GPX2: variants seen among roughly 807,000 people sequenced by gnomAD.
GPX2 encodes glutathione peroxidase 2.
Under a neutral mutation model 14.1 loss-of-function variants are expected in GPX2, and 21 were observed. The ratio of observed to expected loss-of-function variants is 1.48; its 90% confidence interval spans 1.05 to 2.14. The LOEUF (loss-of-function observed/expected upper bound fraction) is 2.14. Ranked by LOEUF, GPX2 falls within the 30% of genes most tolerant of loss-of-function variation. The pLI, the probability that GPX2 is intolerant of heterozygous loss-of-function variation, is 0.00. For missense variants in GPX2, 241 were observed against 249.8 expected (o/e 0.96, Z 0.24); for synonymous variants, 94 against 95.2 (o/e 0.99, Z 0.07).
rs1439088024 is a variant in GPX2, at chr14:64,940,358, A to G, written c.223-520T>C. 2.6e-5 allele frequency among the ~76,000 whole-genome samples: 4 copies of G among 152,038 alleles called. No homozygotes were observed. The highest frequency in any genetic ancestry group is 9.7e-5 in the African/African-American group (4 of 41,382). ...CCTGGTTTTGCCTCGCCTGCTTTCA[A>G]TTGCACGTGTGTTGAGTATAGCCTT... On this transcript the variant is annotated intron_variant, in intron 1 of 1. Transcript: ENST00000389614. This position sits in a 1 kb window ranked among gnomAD's most constrained non-coding sequence, Gnocchi z 4.5.
At position 64,939,779 on chromosome 14, in the gene GPX2, T is replaced by C. The variant is rs770921561; in HGVS notation, c.282A>G (p.Gly94=). 1 of 1,614,100 alleles carries C rather than the reference T, an allele frequency of 6.2e-7. No homozygotes were observed. Among genetic ancestry groups the C allele is most frequent in the Admixed American group, 1.7e-5 (1 of 60,008 alleles). ...GGACAAGGGTGAAGGTGGGCTGGTA[T>C]CCACCCCCAGGACGGACATACTTGA... ...NSLKYVRPGG[G]YQPTFTLVQK... is the part of the protein sequence containing the mutation. The change falls in exon 2 of 2, where the codon GGA becomes GGG. Residue 94 remains glycine, a synonymous_variant. Transcript: ENST00000389614. This position sits in a 1 kb window ranked among gnomAD's most constrained non-coding sequence, Gnocchi z 5.7.
At chr14:64,941,264 C>A in intron 1 of GPX2, 1 of 816,026 alleles carries the variant, frequency 1.2e-6, no homozygotes, top group Non-Finnish European at 1.6e-6. Context: ...AACAAGGTTT[C>A]ACCATGTTGC....
intron 1 of GPX2, chr14:64,941,356 C>T (rs1298775890): frequency 1.6e-6 from 2 of 1,269,148 alleles, no homozygotes; most frequent in African/African-American, 3.1e-5. Context: ...GTGTGAGCCA[C>T]TGTACCCTGG....
intron 1 of GPX2, among the ~76,000 whole-genome samples, chr14:64,942,105 C>G (rs1048753094): frequency 6.6e-6 from 1 of 152,182 alleles, no homozygotes; most frequent in African/African-American, 2.4e-5. Context: ...AATAGCAAAA[C>G]CAAGTCCAGC....
chr14:64,939,963 G>C lies in GPX2; in HGVS notation c.223-125C>G. On this transcript the variant is annotated intron_variant, in intron 1 of 1. Coordinates refer to ENST00000389614, the MANE Select transcript of GPX2 (RefSeq NM_002083.4). This position sits in a 1 kb window ranked among gnomAD's most constrained non-coding sequence, Gnocchi z 5.7. ...TCATTCTTTTTCACTGTGAAAGAGAGAGAGACAAGACAGACGAGGTGTTGC... is the reference window on the plus strand; with the variant it reads ...TCATTCTTTTTCACTGTGAAAGAGACAGAGACAAGACAGACGAGGTGTTGC... 6.8e-7 allele frequency: 1 copy of C among 1,472,698 alleles called. No homozygotes were observed. Among genetic ancestry groups the C allele is most frequent in the Non-Finnish European group, 8.9e-7 (1 of 1,119,160 alleles). 91.2% of individuals were successfully genotyped at this position (1,472,698 alleles called of 1,614,324 possible).
In GPX2 at chr14:64,939,549, C is replaced by T. The variant is rs370990000; in HGVS notation, c.512G>A (p.Arg171His). 38 of 1,614,120 alleles carry T rather than the reference C, an allele frequency of 2.4e-5. No homozygotes were observed. Among genetic ancestry groups the T allele is most frequent in the African/African-American group, 1.1e-4 (8 of 75,024 alleles). Residue 171 changes from arginine (R) to histidine (H), a missense_variant, in exon 2 of 2, where the codon CGC becomes CAC. By Grantham distance (29) the Arg-to-His change is conservative. Coordinates refer to ENST00000389614, the MANE Select transcript of GPX2 (RefSeq NM_002083.4). This position sits in a 1 kb window ranked among gnomAD's most constrained non-coding sequence, Gnocchi z 5.7. ...CTCAATGTTGATGGTTGGGAAGGTG[C>T]GGCTGTAGCGTCGGAAGGGCTCTCC... is the stretch of plus-strand genomic sequence containing the variant. ...PEGEPFRRYS[R>H]TFPTINIEPD...
chr14:64,939,937 G>A lies in GPX2; in HGVS notation c.223-99C>T, dbSNP rs564905597. On this transcript the variant is annotated intron_variant, in intron 1 of 1. Coordinates refer to ENST00000389614, the MANE Select transcript of GPX2 (RefSeq NM_002083.4). The surrounding 1 kb of genome is among the most constrained non-coding windows in gnomAD (Gnocchi z 5.7). Reference sequence around the variant, plus strand: ...CACCCTCCTACACTCCCTCCCCAGGGTCATTCTTTTTCACTGTGAAAGAGA... The same window carrying A: ...CACCCTCCTACACTCCCTCCCCAGGATCATTCTTTTTCACTGTGAAAGAGA... The A allele has an allele frequency of 1.5e-4, 216 of 1,485,324 alleles. No individual in the cohort carries two copies. Among genetic ancestry groups the A allele is most frequent in the Admixed American group, 2.5e-4 (11 of 44,140 alleles). The allele number at this position is 1,485,324 out of a possible 1,614,324, so 92.0% of individuals were successfully genotyped here. A position where few individuals can be genotyped will look rare whatever the true frequency, so the allele number is the denominator to read the frequency against.
Position 64,939,726 on chromosome 14 carries a change from T to A in GPX2, c.335A>T (p.Glu112Val), listed in dbSNP as rs190285364. 1.1e-5 allele frequency: 17 copies of A among 1,614,062 alleles called. No homozygotes were observed. In the East Asian group the frequency reaches 3.6e-4, roughly 34 times the overall value. Residue 112 changes from glutamate to valine, a missense_variant, in exon 2 of 2, where the codon GAG becomes GTG. Physicochemically the swap from Glu to Val is moderately radical, Grantham distance 121. Coordinates refer to ENST00000389614, the MANE Select transcript of GPX2 (RefSeq NM_002083.4). This position sits in a 1 kb window ranked among gnomAD's most constrained non-coding sequence, Gnocchi z 5.7. Reference sequence around the variant, plus strand: ...CTTCAGGTAGGCGAAGACAGGATGCTCGTTCTGCCCATTCACCTCACATTT... The same window carrying A: ...CTTCAGGTAGGCGAAGACAGGATGCACGTTCTGCCCATTCACCTCACATTT... ...VQKCEVNGQN[E>V]HPVFAYLKDK...
rs1885554429 is a variant in GPX2, at chr14:64,940,195, A to T, written c.223-357T>A. 1 of 1,314,372 alleles carries T rather than the reference A, an allele frequency of 7.6e-7. No homozygotes were observed. The allele number at this position is 1,314,372 out of a possible 1,614,324, so 81.4% of individuals were successfully genotyped here. ...CTTTTGTCTCCAGTCTACCCTGAGC[A>T]GTTCTTAAGGTGTTTGAAGCAGAAG... On this transcript the variant is annotated intron_variant, in intron 1 of 1. Transcript: ENST00000389614. The surrounding 1 kb of genome is among the most constrained non-coding windows in gnomAD (Gnocchi z 4.5).
chr14:64,939,863 C>T lies in GPX2; in HGVS notation c.223-25G>A, dbSNP rs774348059. On this transcript the variant is annotated intron_variant, in intron 1 of 1. Coordinates refer to ENST00000389614, the MANE Select transcript of GPX2 (RefSeq NM_002083.4). This position sits in a 1 kb window ranked among gnomAD's most constrained non-coding sequence, Gnocchi z 5.7. ...CCTAGGGGAGGAAAAAGACAAAGTG[C>T]GTGGACAGTGGGTGGGGGAAGAGAA... 106 of 1,606,742 alleles carry T rather than the reference C, an allele frequency of 6.6e-5. No individual in the cohort carries two copies. The highest frequency in any genetic ancestry group is 1.7e-4 in the Middle Eastern group (1 of 5,980).
chr14:64,941,152 G>A (rs1026034915), intron 1 of GPX2, among the ~76,000 whole-genome samples: 4 of 152,090 alleles, frequency 2.6e-5, no homozygotes, highest in Non-Finnish European at 2.9e-5. Flanking sequence ...CTGCAGCCTC[G>A]ACTTCCCAGG....
intron 1 of GPX2, 33 bp downstream of exon 1, chr14:64,942,472 A>G: frequency 5.1e-6 from 8 of 1,559,340 alleles, no homozygotes; most frequent in Non-Finnish European, 6.2e-6. Context: ...CCAACCCAAC[A>G]CTTTTGGTGC....
intron 1 of GPX2, among the ~76,000 whole-genome samples, chr14:64,941,864 C>T (rs1037366777): frequency 6.6e-6 from 1 of 152,180 alleles, no homozygotes; most frequent in Non-Finnish European, 1.5e-5. Context: ...TTTCTCTTTC[C>T]TGCTTATTTT....
In GPX2 at chr14:64,939,905, ACT is replaced by A. The variant is rs1885532831; in HGVS notation, c.223-69_223-68del. ...GGAAGAGAAAGATCCACAACATGAA[ACT>A]CTTTCACCCTCCTACACTCCCTCCC... On this transcript the variant is annotated intron_variant, in intron 1 of 1. Coordinates refer to ENST00000389614, the MANE Select transcript of GPX2 (RefSeq NM_002083.4). The surrounding 1 kb of genome is among the most constrained non-coding windows in gnomAD (Gnocchi z 5.7). 1 of 1,552,976 alleles carries A rather than the reference ACT, an allele frequency of 6.4e-7. No individual in the cohort carries two copies. The highest frequency in any genetic ancestry group is 1.4e-5 in the African/African-American group (1 of 73,142).
chr14:64,942,493 G>A lies in GPX2; in HGVS notation c.222+12C>T, dbSNP rs1237053905. On this transcript the variant is annotated intron_variant, in intron 1 of 1. Coordinates refer to ENST00000389614, the MANE Select transcript of GPX2 (RefSeq NM_002083.4). ...CAACACTTTTGGTGCATTACAAGGA[G>A]GGACCCCTCACCTGATGTCCAAATT... The A allele has an allele frequency of 6.2e-7, 1 of 1,609,802 alleles. No homozygotes were observed. The highest frequency in any genetic ancestry group is 8.5e-7 in the Non-Finnish European group (1 of 1,176,576).
At chr14:64,941,500 G>C (rs17884124) in intron 1 of GPX2, 2 of 1,288,496 alleles carry the variant, frequency 1.6e-6, no homozygotes, top group Non-Finnish European at 2.0e-6. Flanking sequence ...TCTCGAAAGA[G>C]GGTTTGCTAC....
In GPX2 at chr14:64,939,957, AAGAG is replaced by A. The variant is rs1227891486; in HGVS notation, c.223-123_223-120del. ...CCAGGGTCATTCTTTTTCACTGTGA[AAGAG>A]AGAGAGACAAGACAGACGAGGTGTT... On this transcript the variant is annotated intron_variant, in intron 1 of 1. Transcript: ENST00000389614. The surrounding 1 kb of genome is among the most constrained non-coding windows in gnomAD (Gnocchi z 5.7). The A allele has an allele frequency of 3.3e-5, 49 of 1,471,950 alleles. 1 individual carries two copies. The highest frequency in any genetic ancestry group is 2.4e-4 in the Middle Eastern group (1 of 4,132). The allele number at this position is 1,471,950 out of a possible 1,614,324, so 91.2% of individuals were successfully genotyped here.
Position 64,939,372 on chromosome 14 carries a change from G to C in GPX2, c.*116C>G, listed in dbSNP as rs562512060. Reference sequence around the variant, plus strand: ...GGGAAAGGCAAGGCTCTGCAGTGAAGGGGACTGATATCAAGGGAATGCTGA... The same window carrying C: ...GGGAAAGGCAAGGCTCTGCAGTGAACGGGACTGATATCAAGGGAATGCTGA... On this transcript the variant is annotated 3_prime_UTR_variant, in exon 2 of 2. Transcript: ENST00000389614. The surrounding 1 kb of genome is among the most constrained non-coding windows in gnomAD (Gnocchi z 5.7). The C allele has an allele frequency of 1.2e-5, 9 of 781,722 alleles. No individual in the cohort carries two copies. Among genetic ancestry groups the C allele is most frequent in the Non-Finnish European group, 1.9e-5 (9 of 462,482 alleles). 48.4% of individuals were successfully genotyped at this position (781,722 alleles called of 1,614,324 possible).
In GPX2 at chr14:64,940,236, T is replaced by G. The variant is rs938895189; in HGVS notation, c.223-398A>C. The stretch of plus-strand genomic sequence containing the variant: ...GAAGCAGAAGAAAGAGAAAAGAGGC[T>G]TAGGTTATACTGCTTAGAACCTCCT... On this transcript the variant is annotated intron_variant, in intron 1 of 1. Coordinates refer to ENST00000389614, the MANE Select transcript of GPX2 (RefSeq NM_002083.4). The surrounding 1 kb of genome is among the most constrained non-coding windows in gnomAD (Gnocchi z 4.5). 8.0e-7 allele frequency: 1 copy of G among 1,249,114 alleles called. No individual in the cohort carries two copies. Among genetic ancestry groups the G allele is most frequent in the Non-Finnish European group, 1.1e-6 (1 of 950,936 alleles). 77.4% of individuals were successfully genotyped at this position (1,249,114 alleles called of 1,614,324 possible). A position where few individuals can be genotyped will look rare whatever the true frequency, so the allele number is the denominator to read the frequency against.
Sources: allele counts gnomAD v4.1 joint callset (sites outside exome capture counted in the v4.1 genomes callset), GRCh38; gene constraint gnomAD v4.1.1; non-coding constraint Gnocchi (gnomAD v3.1); transcripts MANE v1.5; gene names NCBI Gene and HGNC (gene_info 2026-07-23, HGNC 2026-07-21).